Variants in NIPAL3 observed in about 807,000 individuals in gnomAD.
NIPAL3 encodes NIPA like domain containing 3, also known as NIPA-like protein 3.
NIPAL3 carries 41 observed loss-of-function variants against 47.2 expected under a neutral mutation model. The ratio of observed to expected loss-of-function variants is 0.87; its 90% confidence interval spans 0.68 to 1.13. The LOEUF (loss-of-function observed/expected upper bound fraction) is 1.13. Ranked by LOEUF, NIPAL3 falls within the 50% of genes most tolerant of loss-of-function variation. The probability of loss-of-function intolerance (pLI) is 0.00; values close to 1 mark genes in which losing one functional copy is unlikely to be tolerated. For synonymous variants in NIPAL3, 194 were observed against 209.6 expected, an observed-to-expected ratio of 0.93 and a Z score of 0.64; for missense variants, 449 against 530.1, an observed-to-expected ratio of 0.85 and a Z score of 1.50.
At chr1:24,436,453 G>T (rs950883910) in intron 2 of NIPAL3, among the ~76,000 whole-genome samples, 1 of 151,588 alleles carries the variant, frequency 6.6e-6, no homozygotes, top group African/African-American at 2.4e-5. Context: ...TAGCTTGTCT[G>T]CCTTCTTCTC....
rs766308271 is a variant in NIPAL3, at chr1:24,456,223, C to G, written c.723C>G (p.Ile241Met). ...IQGNLQLDYP[I>M]FYVMFVCMVA... Reference sequence around the variant, plus strand: ...GGAACCTGCAGCTTGACTACCCCATCTTCTACGTGATGTTCGTGTGCATGG... The same window carrying G: ...GGAACCTGCAGCTTGACTACCCCATGTTCTACGTGATGTTCGTGTGCATGG... Residue 241 changes from isoleucine to methionine, a missense_variant, in exon 8 of 12, where the codon ATC (isoleucine) becomes ATG (methionine). By Grantham distance (10) the Ile-to-Met change is conservative. Transcript: ENST00000374399. The G allele has an allele frequency of 1.2e-6, 2 of 1,614,242 alleles. No homozygotes were observed. The highest frequency in any genetic ancestry group is 2.7e-5 in the African/African-American group (2 of 75,070).
intron 10 of NIPAL3, among the ~76,000 whole-genome samples, chr1:24,461,985 G>A (rs1317149270): frequency 3.3e-5 from 5 of 152,176 alleles, no homozygotes; most frequent in African/African-American, 1.2e-4. Context: ...AGACATACCT[G>A]AGACTGGGTA....
Position 24,440,315 on chromosome 1 carries a change from C to T in NIPAL3, c.162+75C>T, listed in dbSNP as rs1207996805. 3 of 1,188,090 alleles carry T rather than the reference C, an allele frequency of 2.5e-6. No individual in the cohort carries two copies. In the African/African-American group the frequency reaches 4.7e-5, roughly 18 times the overall value. 73.6% of individuals were successfully genotyped at this position (1,188,090 alleles called of 1,614,324 possible). The stretch of plus-strand genomic sequence containing the variant: ...GTCAGGGTGTCTTATCCAGGTCCAG[C>T]TGCCTCCTCTCTGCAGGGCCTTGCC... On this transcript the variant is annotated intron_variant, in intron 3 of 11. Coordinates refer to ENST00000374399, the MANE Select transcript of NIPAL3 (RefSeq NM_020448.5).
rs765369418 is a variant in NIPAL3 at position 24,464,062 on chromosome 1, G to A, written c.963G>A (p.Thr321=). ...LIAFLGVFLI[T]RNRKKPIPFE... ...CATTCTTGGGCGTCTTCTTAATCAC[G>A]CGTAACAGGAAGAAGCCCATTCCAT... is the stretch of plus-strand genomic sequence containing the variant. Residue 321 remains threonine, a synonymous_variant, in exon 11 of 12, where the codon ACG becomes ACA. Coordinates refer to ENST00000374399, the MANE Select transcript of NIPAL3 (RefSeq NM_020448.5). 24 of 1,612,906 alleles carry A rather than the reference G, an allele frequency of 1.5e-5. No homozygotes were observed. The East Asian group carries it at 2.0e-4, about 13-fold the overall frequency.
chr1:24,419,471 G>T lies in NIPAL3; in HGVS notation c.-77G>T. ...GGAGGTGAACACCACAAGGAGAGAT[G>T]GCATCTGGCCTGGGCCCCGCCTAGC... On this transcript the variant is annotated 5_prime_UTR_variant, in exon 2 of 12. The change abolishes an upstream ATG in the 5' untranslated region. Coordinates refer to ENST00000374399, the MANE Select transcript of NIPAL3 (RefSeq NM_020448.5). 6.9e-7 allele frequency: 1 copy of T among 1,455,028 alleles called. No individual in the cohort carries two copies. Among genetic ancestry groups the T allele is most frequent in the South Asian group, 1.4e-5 (1 of 70,582 alleles). The allele number at this position is 1,455,028 out of a possible 1,614,324, so 90.1% of individuals were successfully genotyped here. A position where few individuals can be genotyped will look rare whatever the true frequency, so the allele number is the denominator to read the frequency against.
chr1:24,466,373 A>G, intron 11 of NIPAL3: 1 of 221,658 alleles, frequency 4.5e-6, no homozygotes, highest in Non-Finnish European at 8.8e-6. Flanking sequence ...AAACATAGAC[A>G]AAAAATGGAC....
At chr1:24,435,899 C>G (rs1343072847) in intron 2 of NIPAL3, among the ~76,000 whole-genome samples, 2 of 152,182 alleles carry the variant, frequency 1.3e-5, no homozygotes, top group Non-Finnish European at 2.9e-5. Context: ...TCTCACAGTT[C>G]TGAAAGCTGG....
intron 7 of NIPAL3, 107 bp from the exon 8 acceptor site, chr1:24,456,031 C>T (rs1467771880): frequency 1.5e-5 from 20 of 1,354,074 alleles, no homozygotes; most frequent in Non-Finnish European, 2.1e-5. Flanking sequence ...GTTCCTGTTC[C>T]CTCCCCTCTG....
intron 2 of NIPAL3, among the ~76,000 whole-genome samples, chr1:24,433,868 T>C (rs1443930419): frequency 6.6e-6 from 1 of 152,210 alleles, no homozygotes; most frequent in Admixed American, 6.5e-5. Flanking sequence ...TAAAATTAAG[T>C]TGCTATTAAT....
chr1:24,453,944 T>G (rs1253077984), intron 7 of NIPAL3: 1 of 430,944 alleles, frequency 2.3e-6, no homozygotes, highest in African/African-American at 2.1e-5. Flanking sequence ...TTGTCATCTA[T>G]TTTTTCTTTT....
chr1:24,431,753 T>TC (rs1250639913), intron 2 of NIPAL3, among the ~76,000 whole-genome samples: 1 of 152,066 alleles, frequency 6.6e-6, no homozygotes, highest in Non-Finnish European at 1.5e-5. Context: ...TGAGTCTTTT[T>TC]CCCTTACACC....
In NIPAL3 at chr1:24,472,031, T is replaced by A. The variant is rs1646924109; in HGVS notation, c.*2846T>A. On this transcript the variant is annotated 3_prime_UTR_variant, in exon 12 of 12. Transcript: ENST00000374399. ...CCCTTTTTTTTTTTTTTTTTTGGTATGGGCCTTTTAGGCTTGGGCCAGCCA... is the reference window on the plus strand; with the variant it reads ...CCCTTTTTTTTTTTTTTTTTTGGTAAGGGCCTTTTAGGCTTGGGCCAGCCA... 7.0e-6 allele frequency: 1 copy of A among 143,114 alleles called. No individual in the cohort carries two copies. Among genetic ancestry groups the A allele is most frequent in the Non-Finnish European group, 1.5e-5 (1 of 66,062 alleles). 8.9% of individuals were successfully genotyped at this position (143,114 alleles called of 1,614,324 possible). A position where few individuals can be genotyped will look rare whatever the true frequency, so the allele number is the denominator to read the frequency against.
At chr1:24,417,077 G>GT (rs1644084691) in intron 1 of NIPAL3, 1 of 152,268 alleles carries the variant, frequency 6.6e-6, no homozygotes, top group South Asian at 2.1e-4. Context: ...CTCTGGAGTT[G>GT]TGGTTGATTA....
At chr1:24,464,258 T>A (rs1646605702) in intron 11 of NIPAL3, 138 bp downstream of exon 11, 1 of 658,306 alleles carries the variant, frequency 1.5e-6, no homozygotes, top group African/African-American at 1.9e-5. Context: ...TCTTTTCTTT[T>A]TAATTTTGTG....
rs746873069 is a variant in NIPAL3, at chr1:24,458,926, T to A, written c.812T>A (p.Leu271Ter). Residue 271 changes from leucine (L) to a stop codon, truncating the protein, a stop_gained, in exon 9 of 12, where the codon TTG (leucine) becomes TAG (stop). Transcript: ENST00000374399. LOFTEE classifies it high-confidence loss of function. ...SQASQMYDSS[L>*]IASVGYILST... ...GCCTCACAGATGTACGACTCCTCTT[T>A]GATTGCCAGTGTGGGCTACATTCTG... 5 of 1,614,136 alleles carry A rather than the reference T, an allele frequency of 3.1e-6. No homozygotes were observed. In the South Asian group the frequency reaches 5.5e-5, roughly 18 times the overall value.
intron 6 of NIPAL3, 76 bp from the exon 7 acceptor site, chr1:24,453,332 C>T (rs1646030586): frequency 3.0e-6 from 3 of 986,484 alleles, no homozygotes; most frequent in Middle Eastern, 4.7e-4. Flanking sequence ...CTGGTGATGG[C>T]CCAGCCCACC....
chr1:24,435,458 A>G (rs1487060928), intron 2 of NIPAL3, among the ~76,000 whole-genome samples: 2 of 152,160 alleles, frequency 1.3e-5, no homozygotes, highest in Non-Finnish European at 2.9e-5. Flanking sequence ...TTCTTCCACT[A>G]TATATTTTGA....
chr1:24,460,523 A>T lies in NIPAL3; in HGVS notation c.905A>T (p.His302Leu). The change falls in exon 10 of 12, where the codon CAC (histidine) becomes CTC (leucine). Residue 302 changes from histidine (H) to leucine (L), a missense_variant. Transcript: ENST00000374399. Reference protein sequence around the residue: ...YLDFIGEDVLHICMFALGCLI... With the variant: ...YLDFIGEDVLLICMFALGCLI... ...GACTTCATCGGGGAGGACGTGCTGC[A>T]CATCTGCATGTTTGCACTGGGGTGA... 6.3e-7 allele frequency: 1 copy of T among 1,582,970 alleles called. No individual in the cohort carries two copies. Among genetic ancestry groups the T allele is most frequent in the African/African-American group, 1.4e-5 (1 of 72,800 alleles).
upstream of NIPAL3, chr1:24,415,728 T>G: frequency 5.4e-6 from 3 of 559,626 alleles, no homozygotes; most frequent in Non-Finnish European, 6.8e-6. Context: ...CCTGCCAACT[T>G]CTGACTGGCA....
Sources: gnomAD v4.1 joint callset for allele counts (sites outside exome capture counted in the v4.1 genomes callset) on GRCh38, gnomAD v4.1.1 for gene constraint, MANE v1.5 for transcripts, NCBI Gene and HGNC (gene_info 2026-07-23, HGNC 2026-07-21) for gene names.